The following HSPA4L variants were observed in gnomAD, a reference collection of about 807,000 sequenced individuals.
The protein encoded by HSPA4L is heat shock 70 kDa protein 4L.
In HSPA4L, 48 loss-of-function variants were observed where a neutral mutation model predicts 100.3. The ratio of observed to expected loss-of-function variants is 0.48; its 90% CI spans 0.38 to 0.61. The LOEUF is 0.61. HSPA4L is among the 20% of genes least tolerant of loss of function. HSPA4L has a pLI of 0.00. For missense variants in HSPA4L, 886 were observed against 988.6 expected (o/e 0.90, Z 1.39); for synonymous variants, 319 against 328.2 (o/e 0.97, Z 0.30).
In HSPA4L at chr4:127,800,897, G is replaced by A. The variant is rs561190797; in HGVS notation, c.430-241G>A. 9.1e-4 allele frequency among the ~76,000 whole-genome samples: 138 copies of A among 152,106 alleles called. 2 individuals are homozygous for A. The highest frequency in any genetic ancestry group is 5.4e-3 in the Admixed American group (82 of 15,278). ...AGAATAACACAGGAAGTATTTAGACGAATAAAACTTAGGCAACTCTGCCAT... is the reference window on the plus strand; with the variant it reads ...AGAATAACACAGGAAGTATTTAGACAAATAAAACTTAGGCAACTCTGCCAT... On this transcript the variant is annotated intron_variant, in intron 4 of 18. Coordinates refer to ENST00000296464, the MANE Select transcript of HSPA4L (RefSeq NM_014278.4).
chr4:127,823,212 G>A (rs112601999), intron 15 of HSPA4L, among the ~76,000 whole-genome samples: 3 of 152,062 alleles, frequency 2.0e-5, no homozygotes, highest in Admixed American at 1.3e-4. Context: ...GCAGTGGCAC[G>A]ATTTCAGCTC....
intron 1 of HSPA4L, among the ~76,000 whole-genome samples, chr4:127,791,714 A>G (rs1296525105): frequency 6.6e-6 from 1 of 152,174 alleles, no homozygotes; most frequent in Non-Finnish European, 1.5e-5. Context: ...ATGATCTCCA[A>G]CAAACTCTCT....
At chr4:127,815,996 C>G (rs1432018179) in intron 12 of HSPA4L, among the ~76,000 whole-genome samples, 1 of 151,806 alleles carries the variant, frequency 6.6e-6, no homozygotes, top group Non-Finnish European at 1.5e-5. Context: ...GTTGTTGTAA[C>G]AAATAGAAGA....
intron 8 of HSPA4L, 103 bp from the exon 9 acceptor site, chr4:127,804,970 T>C: frequency 1.6e-6 from 1 of 640,416 alleles, no homozygotes; most frequent in Non-Finnish European, 2.6e-6. Context: ...TTTTATTTTC[T>C]GACAAGTAAA....
At chr4:127,795,645 T>C (rs1732998395) in intron 2 of HSPA4L, 123 bp from the exon 3 acceptor site, 2 of 885,850 alleles carry the variant, frequency 2.3e-6, no homozygotes, top group Non-Finnish European at 3.4e-6. Flanking sequence ...AAATGAATGA[T>C]TATTTGTAAT....
intron 6 of HSPA4L, among the ~76,000 whole-genome samples, chr4:127,802,582 G>A (rs1310405296): frequency 6.6e-6 from 1 of 152,134 alleles, no homozygotes; most frequent in Non-Finnish European, 1.5e-5. Flanking sequence ...TTGGCCTTTA[G>A]TCTTACATAT....
intron 11 of HSPA4L, among the ~76,000 whole-genome samples, chr4:127,808,548 T>C (rs892305449): frequency 6.6e-6 from 1 of 152,138 alleles, no homozygotes; most frequent in Non-Finnish European, 1.5e-5. Flanking sequence ...AAATACTATG[T>C]CATTTTTTTT....
chr4:127,830,612 C>T, intron 17 of HSPA4L, 26 bp from the exon 18 acceptor site: 1 of 1,533,986 alleles, frequency 6.5e-7, no homozygotes, highest in Non-Finnish European at 8.8e-7. Context: ...CATTAACATG[C>T]AGTCAAGCTT....
In HSPA4L at chr4:127,807,293, T is replaced by C. The variant is rs74321650; in HGVS notation, c.1245-703T>C. On this transcript the variant is annotated intron_variant, in intron 10 of 18. Coordinates refer to ENST00000296464, the MANE Select transcript of HSPA4L (RefSeq NM_014278.4). ...AATTTAAGGAATAGGAATTGCTATG[T>C]AGGTTTTAAAAACTCCCTGTATTGG... is the stretch of plus-strand genomic sequence containing the variant. 5.1e-3 allele frequency among the ~76,000 whole-genome samples: 780 copies of C among 151,962 alleles called. 7 individuals carry two copies. Among genetic ancestry groups the C allele is most frequent in the African/African-American group, 0.018 (752 of 41,386 alleles).
chr4:127,810,734 G>C (rs1733502591), intron 11 of HSPA4L, among the ~76,000 whole-genome samples: 1 of 152,108 alleles, frequency 6.6e-6, no homozygotes, highest in South Asian at 2.1e-4. Flanking sequence ...CTACAGCCTG[G>C]ATAACAGAGT....
At position 127,830,724 on chromosome 4, in the gene HSPA4L, G is replaced by C; in HGVS notation, c.2253G>C (p.Lys751Asn). ...ATGCCATGAGTTGGCTGAATAGTAA[G>C]ATGAATGCACAGAACAAACTAAGTC... Reference protein sequence around the residue: ...ISDAMSWLNSKMNAQNKLSLT... With the variant: ...ISDAMSWLNSNMNAQNKLSLT... Residue 751 changes from lysine (K) to asparagine (N), a missense_variant, in exon 18 of 19, where the codon AAG (lysine) becomes AAC (asparagine). By Grantham distance (94) the Lys-to-Asn change is moderately conservative (BLOSUM62 0). Transcript: ENST00000296464. The C allele has an allele frequency of 6.2e-7, 1 of 1,611,330 alleles. No individual in the cohort carries two copies. Among genetic ancestry groups the C allele is most frequent in the Non-Finnish European group, 8.5e-7 (1 of 1,178,748 alleles).
intron 2 of HSPA4L, among the ~76,000 whole-genome samples, chr4:127,795,188 A>G (rs554548437): frequency 3.9e-5 from 6 of 152,268 alleles, no homozygotes; most frequent in Non-Finnish European, 8.8e-5. Context: ...GTGGAAATAA[A>G]TAATCAAAGA....
rs1734145613 is a variant in HSPA4L at position 127,833,802 on chromosome 4, ACATTTAT to A, written c.*933_*939del. 6.6e-6 allele frequency: 1 copy of A among 152,196 alleles called. No individual in the cohort carries two copies. Among genetic ancestry groups the A allele is most frequent in the South Asian group, 2.1e-4 (1 of 4,836 alleles). 9.4% of individuals were successfully genotyped at this position (152,196 alleles called of 1,614,324 possible). On this transcript the variant is annotated 3_prime_UTR_variant, in exon 19 of 19. Transcript: ENST00000296464. ...AGTGGCACAGTGTATTGCATTATATACATTTATCATTGATTTACCTAATGTTACCTTG... is the reference window on the plus strand; with the variant it reads ...AGTGGCACAGTGTATTGCATTATATACATTGATTTACCTAATGTTACCTTG...
intron 4 of HSPA4L, among the ~76,000 whole-genome samples, chr4:127,800,125 T>C (rs988107385): frequency 3.9e-5 from 6 of 152,176 alleles, no homozygotes; most frequent in Non-Finnish European, 2.9e-5. Context: ...TACGTACATC[T>C]TTATACATTT....
At chr4:127,802,705 C>A (rs925554857) in intron 6 of HSPA4L, among the ~76,000 whole-genome samples, 1 of 152,062 alleles carries the variant, frequency 6.6e-6, no homozygotes, top group African/African-American at 2.4e-5. Context: ...GGCTATAGCC[C>A]TTCTTCCAAA....
chr4:127,824,236 C>A (rs1733887494), intron 16 of HSPA4L, among the ~76,000 whole-genome samples: 1 of 152,110 alleles, frequency 6.6e-6, no homozygotes, highest in South Asian at 2.1e-4. Context: ...CTTTATCCAT[C>A]ATTTCACTGA....
intron 11 of HSPA4L, chr4:127,809,451 GT>G: frequency 8.4e-7 from 1 of 1,197,294 alleles, no homozygotes; most frequent in Non-Finnish European, 1.2e-6. Flanking sequence ...GATTCTTCCT[GT>G]TTTACCTCGC....
chr4:127,827,536 C>T, intron 17 of HSPA4L, 112 bp downstream of exon 17: 1 of 1,222,346 alleles, frequency 8.2e-7, no homozygotes, highest in Non-Finnish European at 1.1e-6. Flanking sequence ...CTATCAAATT[C>T]CAGAGACTTT....
chr4:127,827,320 A>G lies in HSPA4L; in HGVS notation c.2062A>G (p.Ile688Val), dbSNP rs762330089. 4 of 1,612,132 alleles carry G rather than the reference A, an allele frequency of 2.5e-6. No homozygotes were observed. Among genetic ancestry groups the G allele is most frequent in the Non-Finnish European group, 3.4e-6 (4 of 1,179,238 alleles). ...LQELKKYGQP[I>V]QMKYMEHEER... ...ATGTTAACAGAAATACGGCCAGCCT[A>G]TTCAAATGAAGTACATGGAGCATGA... Residue 688 changes from isoleucine (I) to valine (V), a missense_variant, in exon 17 of 19, where the codon ATT becomes GTT. Physicochemically the swap from Ile to Val is conservative, Grantham distance 29. Transcript: ENST00000296464.
Sources: allele counts gnomAD v4.1 joint callset (sites outside exome capture counted in the v4.1 genomes callset), GRCh38; gene constraint gnomAD v4.1.1; transcripts MANE v1.5; gene names NCBI Gene and HGNC (gene_info 2026-07-23, HGNC 2026-07-21).